The following BMPR1B variants were observed in gnomAD, a reference collection of about 807,000 sequenced individuals.
BMPR1B encodes the protein bone morphogenetic protein receptor type-1B.
Under a neutral mutation model 59.1 loss-of-function variants are expected in BMPR1B, and 12 were observed. The ratio of observed to expected loss-of-function variants is 0.20; its 90% confidence interval spans 0.13 to 0.33. The LOEUF (loss-of-function observed/expected upper bound fraction) is 0.33. Among genes scored for constraint, BMPR1B ranks in the 10% least tolerant of loss-of-function variants. BMPR1B has a pLI of 1.00. For missense variants in BMPR1B, 550 were observed against 610.9 expected (o/e 0.90, Z 1.05); for synonymous variants, 237 against 207.3 (o/e 1.14, Z -1.23).
intron 10 of BMPR1B, among the ~76,000 whole-genome samples, chr4:95,145,785 T>G (rs1734596725): frequency 6.6e-6 from 1 of 152,210 alleles, no homozygotes; most frequent in Non-Finnish European, 1.5e-5. Flanking sequence ...TTCTCATGTT[T>G]GTTGTTTAAG....
intron 1 of BMPR1B, among the ~76,000 whole-genome samples, chr4:94,786,695 T>A (rs974529250): frequency 1.3e-5 from 2 of 149,108 alleles, no homozygotes; most frequent in African/African-American, 5.1e-5. Flanking sequence ...CCCACCACCA[T>A]GCCTGGTTAA....
At chr4:94,929,539 C>G (rs544760311) in intron 2 of BMPR1B, among the ~76,000 whole-genome samples, 1 of 152,178 alleles carries the variant, frequency 6.6e-6, no homozygotes, top group African/African-American at 2.4e-5. Flanking sequence ...GTTTTCTGGA[C>G]TCTCCTCACC....
At chr4:95,108,635 G>A (rs1413220802) in intron 4 of BMPR1B, among the ~76,000 whole-genome samples, 1 of 152,030 alleles carries the variant, frequency 6.6e-6, no homozygotes, top group African/African-American at 2.4e-5. Context: ...TCTGTCAGGT[G>A]CAGATACGGC....
chr4:94,762,314 GATT>G (rs952859584), intron 1 of BMPR1B, among the ~76,000 whole-genome samples: 1 of 152,158 alleles, frequency 6.6e-6, no homozygotes, highest in Non-Finnish European at 1.5e-5. Context: ...ACATGAATAA[GATT>G]ATTTCCAATA....
At chr4:94,942,468 C>T (rs539839837) in intron 2 of BMPR1B, among the ~76,000 whole-genome samples, 2 of 152,218 alleles carry the variant, frequency 1.3e-5, no homozygotes, top group South Asian at 2.1e-4. Context: ...TTTTATTATT[C>T]ATGCTACTTA....
chr4:94,919,155 C>A (rs1318556511), intron 2 of BMPR1B, among the ~76,000 whole-genome samples: 1 of 152,144 alleles, frequency 6.6e-6, no homozygotes, highest in Non-Finnish European at 1.5e-5. Flanking sequence ...CTGTACCTTT[C>A]AGTGTTATGT....
At chr4:95,087,135 C>G (rs997488856) in intron 3 of BMPR1B, among the ~76,000 whole-genome samples, 3 of 151,216 alleles carry the variant, frequency 2.0e-5, no homozygotes, top group Non-Finnish European at 4.4e-5. Flanking sequence ...TCAAGTGATT[C>G]TCCTGCCTCA....
intron 2 of BMPR1B, among the ~76,000 whole-genome samples, chr4:94,904,463 T>C (rs529371463): frequency 3.8e-4 from 58 of 152,158 alleles, no homozygotes; most frequent in African/African-American, 1.3e-3. Context: ...TGAAATTACT[T>C]ATCCCTTACT....
chr4:94,835,600 G>A (rs1418763930), intron 1 of BMPR1B, among the ~76,000 whole-genome samples: 1 of 152,114 alleles, frequency 6.6e-6, no homozygotes, highest in Non-Finnish European at 1.5e-5. Context: ...TGGTGTGAAA[G>A]ATACAATAAT....
At chr4:94,818,079 C>A (rs1021592469) in intron 1 of BMPR1B, among the ~76,000 whole-genome samples, 2 of 152,066 alleles carry the variant, frequency 1.3e-5, no homozygotes, top group Admixed American at 6.6e-5. Context: ...GGTTTGAGGG[C>A]CAGTATTCTG....
intron 10 of BMPR1B, among the ~76,000 whole-genome samples, chr4:95,132,781 A>G (rs1236887410): frequency 6.6e-6 from 1 of 152,064 alleles, no homozygotes; most frequent in East Asian, 1.9e-4. Context: ...GCAATTTGTT[A>G]ATAGTCTTGT....
At chr4:94,882,559 G>A (rs2148980760) in intron 2 of BMPR1B, among the ~76,000 whole-genome samples, 1 of 152,278 alleles carries the variant, frequency 6.6e-6, no homozygotes. Context: ...TTAAAGCAGA[G>A]GAGATTTTAT....
At chr4:94,848,303 A>G (rs917879580) in intron 1 of BMPR1B, among the ~76,000 whole-genome samples, 1 of 152,236 alleles carries the variant, frequency 6.6e-6, no homozygotes, top group Non-Finnish European at 1.5e-5. Context: ...TAAACCCCCA[A>G]CATGCCCAAT....
At chr4:94,978,192 T>C (rs560565021) in intron 2 of BMPR1B, among the ~76,000 whole-genome samples, 78 of 152,378 alleles carry the variant, frequency 5.1e-4, no homozygotes, top group Non-Finnish European at 9.6e-4. Flanking sequence ...TATCAAAGTA[T>C]GTTCCAGTTA....
chr4:95,128,277 A>G (rs921710026), intron 8 of BMPR1B, among the ~76,000 whole-genome samples: 10 of 152,220 alleles, frequency 6.6e-5, no homozygotes, highest in Middle Eastern at 3.2e-3. Flanking sequence ...GGGTGGCCCA[A>G]TGTAATTGCA....
intron 3 of BMPR1B, among the ~76,000 whole-genome samples, chr4:95,102,844 T>G (rs933317967): frequency 2.6e-5 from 4 of 151,954 alleles, no homozygotes; most frequent in African/African-American, 9.7e-5. Context: ...TAATCTAGGG[T>G]TTTTCTAAGT....
intron 1 of BMPR1B, among the ~76,000 whole-genome samples, chr4:94,848,489 A>G (rs998469915): frequency 1.3e-5 from 2 of 152,188 alleles, no homozygotes; most frequent in Admixed American, 6.5e-5. Context: ...GAAGACCAGC[A>G]ACGAGGCCAG....
chr4:94,767,384 T>C (rs1181379730), intron 1 of BMPR1B, among the ~76,000 whole-genome samples: 4 of 152,204 alleles, frequency 2.6e-5, no homozygotes, highest in Non-Finnish European at 5.9e-5. Flanking sequence ...ATTGAATTTA[T>C]ATGACAGGAC....
chr4:94,841,482 C>G (rs1021377105), intron 1 of BMPR1B, among the ~76,000 whole-genome samples: 1 of 152,164 alleles, frequency 6.6e-6, no homozygotes, highest in East Asian at 1.9e-4. Context: ...TTTTTTAAGC[C>G]GGTCGGAAAA....
Sources: allele counts gnomAD v4.1 joint callset (sites outside exome capture counted in the v4.1 genomes callset), GRCh38; gene constraint gnomAD v4.1.1; transcripts MANE v1.5; gene names NCBI Gene and HGNC (gene_info 2026-07-23, HGNC 2026-07-21).